Variants in NRG3 observed in about 807,000 individuals in gnomAD.
NRG3 encodes neuregulin 3.
NRG3 carries 31 observed loss-of-function variants against 66.9 expected under a neutral mutation model. That is an observed-to-expected ratio of 0.46 (90% CI 0.35 to 0.63). The LOEUF (loss-of-function observed/expected upper bound fraction) is 0.63, where lower values mean the gene tolerates loss of function less well. NRG3 is among the 20% of genes least tolerant of loss of function. NRG3 has a pLI of 0.00. For missense variants in NRG3, 910 were observed against 878.9 expected (o/e 1.04, Z -0.45); for synonymous variants, 393 against 359.4 (o/e 1.09, Z -1.06).
At chr10:81,960,913 C>G (rs1350870876) in intron 1 of NRG3, among the ~76,000 whole-genome samples, 4 of 152,072 alleles carry the variant, frequency 2.6e-5, no homozygotes, top group African/African-American at 9.7e-5. Context: ...AGAGTTGCCT[C>G]CAAGCCTATC....
At chr10:82,139,771 A>G (rs781100632) in intron 1 of NRG3, among the ~76,000 whole-genome samples, 10 of 152,202 alleles carry the variant, frequency 6.6e-5, no homozygotes, top group Non-Finnish European at 1.2e-4. Flanking sequence ...GCACTGCTCT[A>G]CAGAAAAGCA....
chr10:82,864,661 C>T (rs1421866896), intron 3 of NRG3, among the ~76,000 whole-genome samples: 1 of 152,184 alleles, frequency 6.6e-6, no homozygotes, highest in East Asian at 1.9e-4. Context: ...CAGTACAGTT[C>T]ATTGCTCTGC....
intron 2 of NRG3, among the ~76,000 whole-genome samples, chr10:82,612,975 A>T (rs2048402458): frequency 6.6e-6 from 1 of 152,178 alleles, no homozygotes; most frequent in Non-Finnish European, 1.5e-5. Flanking sequence ...TCTAAAGTCA[A>T]TGTGATTCTA....
At chr10:81,929,919 A>G (rs1439476825) in intron 1 of NRG3, among the ~76,000 whole-genome samples, 2 of 152,204 alleles carry the variant, frequency 1.3e-5, no homozygotes, top group Non-Finnish European at 2.9e-5. Flanking sequence ...AAATATCCAT[A>G]AAAGAAACCT....
chr10:82,764,972 C>G (rs2059464042), intron 3 of NRG3, among the ~76,000 whole-genome samples: 1 of 152,164 alleles, frequency 6.6e-6, no homozygotes, highest in South Asian at 2.1e-4. Context: ...ATTATACTGC[C>G]TAGAACTCTT....
At chr10:82,647,266 G>C (rs926469165) in intron 2 of NRG3, among the ~76,000 whole-genome samples, 3 of 151,552 alleles carry the variant, frequency 2.0e-5, no homozygotes, top group African/African-American at 7.3e-5. Context: ...TTGGTTTTTT[G>C]TTCTTGCGAT....
intron 3 of NRG3, among the ~76,000 whole-genome samples, chr10:82,838,559 G>A (rs2062892907): frequency 6.6e-6 from 1 of 152,070 alleles, no homozygotes; most frequent in African/African-American, 2.4e-5. Flanking sequence ...GGAAAATTGA[G>A]TTGTGGTGTA....
At chr10:82,300,788 G>A (rs899276779) in intron 1 of NRG3, among the ~76,000 whole-genome samples, 2 of 151,926 alleles carry the variant, frequency 1.3e-5, no homozygotes, top group African/African-American at 4.8e-5. Flanking sequence ...CCATTGGAAG[G>A]GTGGCAGATA....
intron 1 of NRG3, among the ~76,000 whole-genome samples, chr10:82,132,820 G>C (rs1196410185): frequency 6.6e-6 from 1 of 151,104 alleles, no homozygotes; most frequent in Non-Finnish European, 1.5e-5. Flanking sequence ...ATGTATCTAG[G>C]AATTTATCCT....
intron 1 of NRG3, among the ~76,000 whole-genome samples, chr10:82,017,904 A>T (rs899683557): frequency 6.6e-6 from 1 of 152,110 alleles, no homozygotes; most frequent in African/African-American, 2.4e-5. Context: ...GTTCACTCTG[A>T]TGGCAGTTTC....
chr10:82,557,863 C>CT (rs2044753286), intron 2 of NRG3, among the ~76,000 whole-genome samples: 1 of 152,144 alleles, frequency 6.6e-6, no homozygotes, highest in Non-Finnish European at 1.5e-5. Flanking sequence ...GGTCAAAAGG[C>CT]TGGGAAGTGG....
intron 1 of NRG3, among the ~76,000 whole-genome samples, chr10:82,264,984 A>G: frequency 6.6e-6 from 1 of 152,144 alleles, no homozygotes; most frequent in East Asian, 1.9e-4. Context: ...AGATGAAGTG[A>G]AGTGGGTTGA....
At chr10:82,139,139 T>A (rs1269978583) in intron 1 of NRG3, among the ~76,000 whole-genome samples, 1 of 152,116 alleles carries the variant, frequency 6.6e-6, no homozygotes, top group Admixed American at 6.6e-5. Context: ...TTCTGGCAAG[T>A]CTGGGTGTTT....
At chr10:82,099,538 T>C (rs2066593994) in intron 1 of NRG3, among the ~76,000 whole-genome samples, 1 of 152,220 alleles carries the variant, frequency 6.6e-6, no homozygotes, top group African/African-American at 2.4e-5. Flanking sequence ...TTCAAAGTTG[T>C]TTTGGCTATT....
At chr10:81,975,822 A>C (rs1422657435) in intron 1 of NRG3, among the ~76,000 whole-genome samples, 1 of 152,196 alleles carries the variant, frequency 6.6e-6, no homozygotes, top group Non-Finnish European at 1.5e-5. Context: ...AATATCTTGC[A>C]TTATCCAAGT....
chr10:82,001,389 G>C (rs537996722), intron 1 of NRG3, among the ~76,000 whole-genome samples: 4 of 151,950 alleles, frequency 2.6e-5, no homozygotes, highest in Non-Finnish European at 4.4e-5. Flanking sequence ...CATAATCCCC[G>C]CTACTTGGGA....
rs191781418 is a variant in NRG3 at position 82,849,670 on chromosome 10, C to T, written c.1028-15741C>T. Among the ~76,000 whole-genome samples the T allele has an allele frequency of 3.3e-5, 5 of 152,178 alleles. No homozygotes were observed. The East Asian group carries it at 7.7e-4, about 24-fold the overall frequency. ...GCTTTGTAAATGTCTGAAAGAAGAGCATTATAGGCAGATGCAGCAGCCAGC... is the reference window on the plus strand; with the variant it reads ...GCTTTGTAAATGTCTGAAAGAAGAGTATTATAGGCAGATGCAGCAGCCAGC... On this transcript the variant is annotated intron_variant, in intron 3 of 8. Coordinates refer to ENST00000372141, the MANE Select transcript of NRG3 (RefSeq NM_001010848.4).
At chr10:82,315,022 A>G (rs1345440565) in intron 1 of NRG3, among the ~76,000 whole-genome samples, 6 of 152,298 alleles carry the variant, frequency 3.9e-5, no homozygotes, top group Admixed American at 1.3e-4. Context: ...ATTTACCTGT[A>G]TATTTACCTG....
intron 1 of NRG3, among the ~76,000 whole-genome samples, chr10:82,193,303 C>A (rs149409708): frequency 6.6e-6 from 1 of 152,008 alleles, no homozygotes; most frequent in Non-Finnish European, 1.5e-5. Context: ...CCACCATGCC[C>A]GGCTAATTTG....
Sources: allele counts gnomAD v4.1 joint callset (sites outside exome capture counted in the v4.1 genomes callset), GRCh38; gene constraint gnomAD v4.1.1; transcripts MANE v1.5; gene names NCBI Gene and HGNC (gene_info 2026-07-23, HGNC 2026-07-21).